The following ERC1 variants were observed in gnomAD, a reference collection of about 807,000 sequenced individuals.
ERC1 encodes the protein RAB6 interacting protein 2.
ERC1 carries 56 observed loss-of-function variants against 132.0 expected under a neutral mutation model. That is an observed-to-expected ratio of 0.42 (90% CI 0.34 to 0.53). The LOEUF is 0.53. Among genes scored for constraint, ERC1 ranks in the 20% least tolerant of loss-of-function variants. The pLI, the probability that ERC1 is intolerant of heterozygous loss-of-function variation, is 0.03. For synonymous variants in ERC1, 478 were observed against 476.1 expected, an observed-to-expected ratio of 1.00 and a Z score of -0.05; for missense variants, 1,202 against 1,349.9, an observed-to-expected ratio of 0.89 and a Z score of 1.72.
chr12:1,290,073 C>T, intron 15 of ERC1, 61 bp downstream of exon 15: 1 of 1,426,750 alleles, frequency 7.0e-7, no homozygotes, highest in Non-Finnish European at 9.8e-7. Context: ...TTTCTCCCTG[C>T]ATTCATCTTC....
intron 12 of ERC1, among the ~76,000 whole-genome samples, chr12:1,212,567 A>G (rs1957977355): frequency 6.6e-6 from 1 of 152,224 alleles, no homozygotes; most frequent in Non-Finnish European, 1.5e-5. Context: ...TAGTTCAGCT[A>G]AAGACGGGGT....
In ERC1 at chr12:1,263,146, G is replaced by A; in HGVS notation, c.2600G>A (p.Arg867Lys). The change falls in exon 14 of 19, where the codon AGG (arginine) becomes AAG (lysine). Residue 867 changes from arginine to lysine, a missense_variant. Coordinates refer to ENST00000360905, the MANE Select transcript of ERC1 (RefSeq NM_178040.4). ...GTGCTAGCACAAGAGGAATCAGCCA[G>A]GACCAATGCTGAAAAACAGGTCTGC... ...EMVLAQEESARTNAEKQVEEL... is the reference protein window; with the variant it reads ...EMVLAQEESAKTNAEKQVEEL... 6.2e-7 allele frequency: 1 copy of A among 1,614,002 alleles called. No individual in the cohort carries two copies.
intron 17 of ERC1, among the ~76,000 whole-genome samples, chr12:1,434,256 G>T (rs151173497): frequency 1.3e-5 from 2 of 152,260 alleles, no homozygotes; most frequent in East Asian, 3.9e-4. Context: ...GGCTTCCTTT[G>T]TGCAGTAGCT....
At chr12:1,287,113 C>T (rs73029182) in intron 14 of ERC1, among the ~76,000 whole-genome samples, 7,655 of 152,092 alleles carry the variant, frequency 0.05, 238 homozygotes, top group Middle Eastern at 0.12. Flanking sequence ...GCAGAAATAT[C>T]CATGCTTGTG....
At chr12:1,045,801 CTG>C (rs1166309191) in intron 2 of ERC1, among the ~76,000 whole-genome samples, 1 of 152,008 alleles carries the variant, frequency 6.6e-6, no homozygotes, top group African/African-American at 2.4e-5. Context: ...TAAAATTCCT[CTG>C]TGTTTTGTTG....
intron 14 of ERC1, among the ~76,000 whole-genome samples, chr12:1,271,238 A>G (rs982263288): frequency 3.9e-5 from 6 of 152,364 alleles, no homozygotes; most frequent in Admixed American, 6.5e-5. Context: ...CTTTTGGTCT[A>G]TGCAAGAGGT....
At chr12:1,110,411 T>A (rs1945727297) in intron 5 of ERC1, 64 bp downstream of exon 5, 2 of 1,373,880 alleles carry the variant, frequency 1.5e-6, no homozygotes, top group Non-Finnish European at 2.0e-6. Flanking sequence ...TATTTTTTAC[T>A]TCTCTAGTGA....
intron 7 of ERC1, among the ~76,000 whole-genome samples, chr12:1,135,194 G>A (rs1337647267): frequency 1.3e-5 from 2 of 152,130 alleles, no homozygotes; most frequent in African/African-American, 2.4e-5. Context: ...CCTAACCTTT[G>A]TGTTGCCCTG....
intron 18 of ERC1, among the ~76,000 whole-genome samples, chr12:1,453,247 A>G (rs1164237607): frequency 6.6e-6 from 1 of 151,720 alleles, no homozygotes; most frequent in East Asian, 1.9e-4. Context: ...CCCCTTCCCC[A>G]GTAGCAGCAG....
chr12:1,079,756 AGTC>A (rs1941909208), intron 2 of ERC1, among the ~76,000 whole-genome samples: 1 of 132,980 alleles, frequency 7.5e-6, no homozygotes, highest in Admixed American at 7.5e-5. Context: ...ATATGACAAA[AGTC>A]GATATACAGA....
chr12:1,258,165 C>G (rs904091787), intron 13 of ERC1, among the ~76,000 whole-genome samples: 2 of 152,180 alleles, frequency 1.3e-5, no homozygotes, highest in East Asian at 3.8e-4. Flanking sequence ...ATCTTAATCT[C>G]TAGCTACATT....
intron 8 of ERC1, among the ~76,000 whole-genome samples, chr12:1,164,892 C>T (rs1952251823): frequency 6.6e-6 from 1 of 152,034 alleles, no homozygotes. Context: ...GATATTGCAG[C>T]CTTATTAACC....
chr12:1,120,190 C>T (rs1202470383), intron 7 of ERC1, among the ~76,000 whole-genome samples: 1 of 151,976 alleles, frequency 6.6e-6, no homozygotes, highest in Non-Finnish European at 1.5e-5. Flanking sequence ...GACAGGGTCT[C>T]ACTATGTTGC....
At chr12:1,464,111 A>G (rs780286281) in intron 18 of ERC1, among the ~76,000 whole-genome samples, 1 of 152,148 alleles carries the variant, frequency 6.6e-6, no homozygotes, top group Non-Finnish European at 1.5e-5. Context: ...AATGACACAG[A>G]TATTAAGTAT....
intron 2 of ERC1, among the ~76,000 whole-genome samples, chr12:1,051,543 A>C (rs1293752988): frequency 0.063 from 1,511 of 23,870 alleles, 18 homozygotes; most frequent in Middle Eastern, 0.13. Context: ...AAAAAAAAAA[A>C]AAAAAAAAAA....
intron 15 of ERC1, among the ~76,000 whole-genome samples, chr12:1,323,147 C>T (rs759458796): frequency 1.3e-5 from 2 of 150,612 alleles, no homozygotes; most frequent in Admixed American, 6.6e-5. Flanking sequence ...GACTATTCAA[C>T]ATTTGACAAA....
At chr12:1,393,498 C>T (rs2090155362) in intron 16 of ERC1, among the ~76,000 whole-genome samples, 1 of 152,098 alleles carries the variant, frequency 6.6e-6, no homozygotes. Flanking sequence ...TGTGCTACTG[C>T]ACTCCAGCCT....
chr12:1,290,716 C>G (rs1379311860), intron 15 of ERC1, among the ~76,000 whole-genome samples: 2 of 152,108 alleles, frequency 1.3e-5, no homozygotes, highest in African/African-American at 4.8e-5. Context: ...CCTAAAGACC[C>G]TACTGCTATT....
chr12:1,444,611 T>C lies in ERC1; in HGVS notation c.3074T>C (p.Leu1025Ser). The change falls in exon 18 of 19, where the codon TTG becomes TCG. Residue 1025 changes from leucine (L) to serine (S), a missense_variant. By Grantham distance (145) the Leu-to-Ser change is moderately radical. Transcript: ENST00000360905. ...ELDQNRSKLK[L>S]YIGHLTTLCH... ...GACCAAAATAGAAGTAAATTAAAGT[T>C]GTACATTGGACACCTGACAACCCTC... The C allele has an allele frequency of 6.2e-7, 1 of 1,614,082 alleles. No homozygotes were observed. The highest frequency in any genetic ancestry group is 8.5e-7 in the Non-Finnish European group (1 of 1,179,964).
Sources: gnomAD v4.1 joint callset for allele counts (sites outside exome capture counted in the v4.1 genomes callset) on GRCh38, gnomAD v4.1.1 for gene constraint, MANE v1.5 for transcripts, NCBI Gene and HGNC (gene_info 2026-07-23, HGNC 2026-07-21) for gene names.